Variants in TESC observed in about 807,000 individuals in gnomAD.
TESC encodes calcineurin B homologous protein 3.
TESC carries 19 observed loss-of-function variants against 31.0 expected under a neutral mutation model. The ratio of observed to expected loss-of-function variants is 0.61; its 90% CI spans 0.43 to 0.90. The LOEUF (loss-of-function observed/expected upper bound fraction) is 0.90, where lower values mean the gene tolerates loss of function less well. Ranked by LOEUF, TESC falls within the 40% of genes least tolerant of loss-of-function variation. The pLI, the probability that TESC is intolerant of heterozygous loss-of-function variation, is 0.00. For synonymous variants in TESC, 109 were observed against 114.8 expected, an observed-to-expected ratio of 0.95 and a Z score of 0.32; for missense variants, 248 against 303.8, an observed-to-expected ratio of 0.82 and a Z score of 1.36.
intron 7 of TESC, among the ~76,000 whole-genome samples, chr12:117,040,720 G>A (rs1315171244): frequency 6.6e-6 from 1 of 152,180 alleles, no homozygotes; most frequent in East Asian, 1.9e-4. Flanking sequence ...CAGTCCACGG[G>A]GCCTGCCGAC....
chr12:117,092,740 G>C (rs1393331464), intron 1 of TESC, among the ~76,000 whole-genome samples: 1 of 152,230 alleles, frequency 6.6e-6, no homozygotes, highest in Non-Finnish European at 1.5e-5. Context: ...AGGCTGCAGT[G>C]AACTGTGATT....
intron 2 of TESC, among the ~76,000 whole-genome samples, chr12:117,066,213 T>TTTTTTTTTTTTA (rs1954878091): frequency 7.5e-6 from 1 of 133,012 alleles, no homozygotes. Context: ...TTTTTTTTTT[T>TTTTTTTTTTTTA]TTTTTTTTTT....
At chr12:117,064,085 C>G (rs1286527671) in intron 2 of TESC, among the ~76,000 whole-genome samples, 1 of 151,976 alleles carries the variant, frequency 6.6e-6, no homozygotes, top group Admixed American at 6.6e-5. Context: ...CCACCACACC[C>G]AATTTATTTT....
intron 1 of TESC, among the ~76,000 whole-genome samples, chr12:117,092,872 T>C (rs994324997): frequency 6.6e-6 from 1 of 152,160 alleles, no homozygotes; most frequent in Non-Finnish European, 1.5e-5. Context: ...TTCCATACAA[T>C]GGAAAACACT....
intron 3 of TESC, among the ~76,000 whole-genome samples, chr12:117,050,488 C>A (rs907672800): frequency 2.6e-5 from 4 of 152,166 alleles, no homozygotes; most frequent in Non-Finnish European, 4.4e-5. Flanking sequence ...TGAGACTGGC[C>A]GTACAAATGT....
chr12:117,080,006 C>T (rs1955124458), intron 1 of TESC, among the ~76,000 whole-genome samples: 1 of 152,166 alleles, frequency 6.6e-6, no homozygotes, highest in Non-Finnish European at 1.5e-5. Context: ...CTTGGATAAG[C>T]CTGGGCTGGT....
chr12:117,052,425 T>C lies in TESC; in HGVS notation c.210-3267A>G, dbSNP rs1213605354. ...GTGATGTGAAGCCCTTTTCCAATAG[T>C]TACAGGCTCCCAGCTGTAGCCCACG... On this transcript the variant is annotated intron_variant, in intron 3 of 7. Transcript: ENST00000335209. Among the ~76,000 whole-genome samples, 5 of 152,334 alleles carry C rather than the reference T, an allele frequency of 3.3e-5. No individual in the cohort carries two copies. In the East Asian group the frequency reaches 7.7e-4, roughly 23 times the overall value.
At chr12:117,096,383 C>T (rs1955395689) in intron 1 of TESC, among the ~76,000 whole-genome samples, 3 of 152,160 alleles carry the variant, frequency 2.0e-5, no homozygotes, top group East Asian at 1.9e-4. Flanking sequence ...TGGGAGCTGA[C>T]GTTCCCATGC....
intron 7 of TESC, among the ~76,000 whole-genome samples, chr12:117,040,620 T>C (rs1475852036): frequency 1.4e-5 from 2 of 145,924 alleles, no homozygotes; most frequent in African/African-American, 2.5e-5. Flanking sequence ...GTCCCCAGCA[T>C]AGGCCAGAGT....
chr12:117,092,546 G>C (rs978254089), intron 1 of TESC, among the ~76,000 whole-genome samples: 4 of 152,214 alleles, frequency 2.6e-5, no homozygotes, highest in Non-Finnish European at 5.9e-5. Flanking sequence ...AGGCTGGGGG[G>C]GTCCCATGAT....
chr12:117,048,815 T>A, intron 4 of TESC: 1 of 794,534 alleles, frequency 1.3e-6, no homozygotes, highest in Non-Finnish European at 2.1e-6. Context: ...CACAAGCTGC[T>A]GAGGAATGTT....
intron 2 of TESC, among the ~76,000 whole-genome samples, chr12:117,072,146 CA>C (rs1276726108): frequency 6.6e-6 from 1 of 152,186 alleles, no homozygotes; most frequent in African/African-American, 2.4e-5. Context: ...CTCCTCCTCA[CA>C]CAGCACCTGG....
intron 2 of TESC, among the ~76,000 whole-genome samples, chr12:117,068,647 T>C (rs910529494): frequency 2.0e-5 from 3 of 152,226 alleles, no homozygotes; most frequent in Admixed American, 6.5e-5. Flanking sequence ...TTGGTGGCAT[T>C]TGACATGGAG....
chr12:117,049,068 G>C lies in TESC; in HGVS notation c.300C>G (p.Thr100=), dbSNP rs768274684. Residue 100 remains threonine, a synonymous_variant, in exon 4 of 8, where the codon ACC becomes ACG. Coordinates refer to ENST00000335209, the MANE Select transcript of TESC (RefSeq NM_017899.4). ...GCTCCACCTGTTCCTCGTCCATGGT[G>C]GTGTCGATGGGCCGGAAGTAGGACA... is the stretch of plus-strand genomic sequence containing the variant. ...TIMSYFRPID[T]TMDEEQVELS... 1.2e-6 allele frequency: 2 copies of C among 1,614,232 alleles called. No individual in the cohort carries two copies. The highest frequency in any genetic ancestry group is 2.2e-5 in the South Asian group (2 of 91,086).
intron 2 of TESC, among the ~76,000 whole-genome samples, chr12:117,070,283 T>C (rs1954948451): frequency 6.6e-6 from 1 of 152,170 alleles, no homozygotes; most frequent in Admixed American, 6.5e-5. Context: ...CAGGGGAACC[T>C]TGAAAAGCTA....
chr12:117,055,610 G>T (rs767935567), intron 3 of TESC, among the ~76,000 whole-genome samples: 1 of 152,174 alleles, frequency 6.6e-6, no homozygotes, highest in East Asian at 1.9e-4. Flanking sequence ...TGTCACTTCC[G>T]AGATTCAGTT....
At chr12:117,041,308 C>T (rs935403008) in intron 7 of TESC, among the ~76,000 whole-genome samples, 1 of 152,124 alleles carries the variant, frequency 6.6e-6, no homozygotes, top group Non-Finnish European at 1.5e-5. Flanking sequence ...ACAGAAAGTT[C>T]CCAGAATCCC....
chr12:117,066,200 CTTTTTTTTT>C (rs58829406), intron 2 of TESC, among the ~76,000 whole-genome samples: 11 of 62,964 alleles, frequency 1.7e-4, no homozygotes, highest in African/African-American at 9.4e-4. Flanking sequence ...CTTCCTTTAG[CTTTTTTTTT>C]TTTTTTTTTT....
chr12:117,049,162 C>A lies in TESC; in HGVS notation c.210-4G>T. ...ACTGGGTCCCTTGCGCAGGTTCCTA[C>A]GGGAGCAACAAGGAGGGTGTTGGAA... is the stretch of plus-strand genomic sequence containing the variant. On this transcript the variant is annotated splice_region_variant and splice_polypyrimidine_tract_variant and intron_variant, in intron 3 of 7. Transcript: ENST00000335209. 4 of 1,614,128 alleles carry A rather than the reference C, an allele frequency of 2.5e-6. No homozygotes were observed. The highest frequency in any genetic ancestry group is 1.6e-4 in the Middle Eastern group (1 of 6,062).
Sources: gnomAD v4.1 joint callset for allele counts (sites outside exome capture counted in the v4.1 genomes callset) on GRCh38, gnomAD v4.1.1 for gene constraint, MANE v1.5 for transcripts, NCBI Gene and HGNC (gene_info 2026-07-23, HGNC 2026-07-21) for gene names.